The following CHD9 variants were observed in gnomAD, a reference collection of about 807,000 sequenced individuals.
CHD9 encodes the protein chromodomain helicase DNA binding protein 9, also known as ATP-dependent chromatin remodeler CHD9.
In CHD9, 77 loss-of-function variants were observed where a neutral mutation model predicts 316.1. That is an observed-to-expected ratio of 0.24 (90% CI 0.20 to 0.29). The LOEUF is 0.29. Ranked by LOEUF, CHD9 falls within the 10% of genes least tolerant of loss-of-function variation. The pLI, the probability that CHD9 is intolerant of heterozygous loss-of-function variation, is 1.00. For missense variants in CHD9, 2,763 were observed against 3,438.1 expected, an observed-to-expected ratio of 0.80 and a Z score of 4.91; for synonymous variants, 1,129 against 1,158.3, an observed-to-expected ratio of 0.97 and a Z score of 0.51.
intron 3 of CHD9, among the ~76,000 whole-genome samples, chr16:53,219,310 G>GA (rs367783030): frequency 1.1e-4 from 17 of 152,220 alleles, no homozygotes; most frequent in African/African-American, 3.6e-4. Context: ...GAAGCGTGGG[G>GA]AAAAAATCTG....
At chr16:53,085,765 T>A (rs901022443) in intron 1 of CHD9, among the ~76,000 whole-genome samples, 1 of 152,220 alleles carries the variant, frequency 6.6e-6, no homozygotes, top group African/African-American at 2.4e-5. Flanking sequence ...GTACGAGGCC[T>A]CCTGCCGGGT....
intron 34 of CHD9, chr16:53,311,691 G>GTTATAATAT (rs2056489451): frequency 6.6e-6 from 1 of 152,224 alleles, no homozygotes; most frequent in South Asian, 2.1e-4. Context: ...GGACAAAACT[G>GTTATAATAT]AAGAGCTCAT....
chr16:53,205,618 G>T (rs1193281037), intron 2 of CHD9, among the ~76,000 whole-genome samples: 1 of 152,182 alleles, frequency 6.6e-6, no homozygotes, highest in African/African-American at 2.4e-5. Context: ...TATTCTAGTA[G>T]CAGAGGAAAT....
rs780968759 is a variant in CHD9 at position 53,156,607 on chromosome 16, A to G, written c.518A>G (p.Gln173Arg). 4 of 1,613,866 alleles carry G rather than the reference A, an allele frequency of 2.5e-6. No individual in the cohort carries two copies. The African/African-American group carries it at 4.0e-5, about 16-fold the overall frequency. Residue 173 changes from glutamine (Q) to arginine (R), a missense_variant, in exon 2 of 39, where the codon CAG (glutamine) becomes CGG (arginine). Gln to Arg is a conservative substitution (Grantham distance 43, BLOSUM62 1). Around this residue, in one of 15 missense-constraint regions of CHD9, gnomAD observed 859 missense variants for 890.4 expected, o/e 0.96. Coordinates refer to ENST00000447540, the MANE Select transcript of CHD9 (RefSeq NM_001308319.2). ...TTTCAGGCCAATGAACAACAAACAC[A>G]GTGTACTTCACTACGCTCACAACAA... is the stretch of plus-strand genomic sequence containing the variant. The part of the protein sequence containing the change: ...ALFQANEQQT[Q>R]CTSLRSQQNR...
chr16:53,293,407 G>A (rs1460546693), intron 29 of CHD9, among the ~76,000 whole-genome samples: 2 of 151,922 alleles, frequency 1.3e-5, no homozygotes, highest in Admixed American at 1.3e-4. Flanking sequence ...TTGAGCTCAG[G>A]ATTTCGAGAC....
At chr16:53,147,505 T>C (rs1286673256) in intron 1 of CHD9, among the ~76,000 whole-genome samples, 1 of 152,160 alleles carries the variant, frequency 6.6e-6, no homozygotes, top group Non-Finnish European at 1.5e-5. Context: ...CCAAATAACT[T>C]CTACTCTCCC....
At chr16:53,246,064 G>A (rs2049562681) in intron 15 of CHD9, among the ~76,000 whole-genome samples, 1 of 152,186 alleles carries the variant, frequency 6.6e-6, no homozygotes. Context: ...AGTTTGTTCA[G>A]TATAATTTGG....
At chr16:53,188,886 TG>T (rs1458759772) in intron 2 of CHD9, among the ~76,000 whole-genome samples, 1 of 151,942 alleles carries the variant, frequency 6.6e-6, no homozygotes, top group East Asian at 1.9e-4. Context: ...TGCCTAGCAT[TG>T]TATCTTTTTT....
chr16:53,318,448 G>C, intron 37 of CHD9, 108 bp downstream of exon 37: 1 of 826,070 alleles, frequency 1.2e-6, no homozygotes, highest in Non-Finnish European at 1.8e-6. Flanking sequence ...CTGGAAATGA[G>C]TTGAATCTAT....
At chr16:53,251,928 C>T (rs1180504713) in intron 17 of CHD9, among the ~76,000 whole-genome samples, 1 of 152,052 alleles carries the variant, frequency 6.6e-6, no homozygotes, top group Non-Finnish European at 1.5e-5. Context: ...AAATACATCC[C>T]ATGTTCATGG....
chr16:53,221,513 C>T (rs1000769294), intron 3 of CHD9, among the ~76,000 whole-genome samples: 20 of 151,938 alleles, frequency 1.3e-4, no homozygotes, highest in Admixed American at 2.0e-4. Context: ...TAATAATTAC[C>T]GTGGTTTAAA....
intron 3 of CHD9, among the ~76,000 whole-genome samples, chr16:53,221,545 A>G (rs1356059758): frequency 6.6e-6 from 1 of 152,158 alleles, no homozygotes; most frequent in Non-Finnish European, 1.5e-5. Flanking sequence ...GCATCTGTTG[A>G]AGCAGATAAG....
chr16:53,139,257 A>G (rs1229957606), intron 1 of CHD9, among the ~76,000 whole-genome samples: 1 of 152,188 alleles, frequency 6.6e-6, no homozygotes. Context: ...GAGAGAACAT[A>G]AAATAACTAC....
chr16:53,304,166 G>A lies in CHD9; in HGVS notation c.6160G>A (p.Glu2054Lys). Reference sequence around the variant, plus strand: ...GAAAGTTAAAAGTGAAAACCTTAAAGAGGAGCCTCAGTCTTCTGAAGAAGA... The same window carrying A: ...GAAAGTTAAAAGTGAAAACCTTAAAAAGGAGCCTCAGTCTTCTGAAGAAGA... ...EMKVKSENLK[E>K]EPQSSEEESM... is the part of the protein sequence containing the mutation. The change falls in exon 31 of 39, where the codon GAG (glutamate) becomes AAG (lysine). Residue 2054 changes from glutamate to lysine, a missense_variant. Physicochemically the swap from Glu to Lys is moderately conservative, Grantham distance 56. Around this residue, in one of 15 missense-constraint regions of CHD9, gnomAD observed 663 missense variants for 751.2 expected, o/e 0.88. Transcript: ENST00000447540. 1 of 1,612,738 alleles carries A rather than the reference G, an allele frequency of 6.2e-7. No individual in the cohort carries two copies. Among genetic ancestry groups the A allele is most frequent in the Non-Finnish European group, 8.5e-7 (1 of 1,179,454 alleles).
chr16:53,308,374 T>C (rs1403536216), intron 33 of CHD9, among the ~76,000 whole-genome samples: 2 of 152,196 alleles, frequency 1.3e-5, no homozygotes, highest in East Asian at 3.8e-4. Flanking sequence ...CTCCAAAATG[T>C]CATATGAATA....
chr16:53,085,139 C>G (rs776865911), intron 1 of CHD9, among the ~76,000 whole-genome samples: 1 of 152,158 alleles, frequency 6.6e-6, no homozygotes, highest in Non-Finnish European at 1.5e-5. Flanking sequence ...TAGCAATCAG[C>G]TAGAGCCAGA....
At position 53,229,098 on chromosome 16, in the gene CHD9, G is replaced by A; in HGVS notation, c.2284G>A (p.Asp762Asn). Reference protein sequence around the residue: ...RQAQRAHFFADMEEEPFNPDY... With the variant: ...RQAQRAHFFANMEEEPFNPDY... ...AGCACAAAGAGCACATTTTTTTGCA[G>A]ACGTAAGAAAAAAATAAATAAGACT... The change falls in exon 8 of 39, where the codon GAC becomes AAC. Residue 762 changes from aspartate (D) to asparagine (N), a missense_variant and splice_region_variant. Physicochemically the swap from Asp to Asn is conservative, Grantham distance 23. This residue lies in a region of CHD9 where 859 missense variants were observed against 890.4 expected (regional missense o/e 0.96). Transcript: ENST00000447540. 6.5e-7 allele frequency: 1 copy of A among 1,529,380 alleles called. No individual in the cohort carries two copies. Among genetic ancestry groups the A allele is most frequent in the Admixed American group, 1.8e-5 (1 of 54,154 alleles). The allele number at this position is 1,529,380 out of a possible 1,614,324, so 94.7% of individuals were successfully genotyped here.
At chr16:53,323,902 C>T (rs1156253800) in intron 38 of CHD9, 118 bp from the exon 39 acceptor site, 5 of 807,054 alleles carry the variant, frequency 6.2e-6, no homozygotes, top group African/African-American at 1.8e-5. Flanking sequence ...TATTTAATAT[C>T]AGTACAGAAT....
At chr16:53,289,668 T>A (rs890839664) in intron 27 of CHD9, among the ~76,000 whole-genome samples, 5 of 152,100 alleles carry the variant, frequency 3.3e-5, no homozygotes, top group South Asian at 2.1e-4. Flanking sequence ...AAATAAAGAC[T>A]ACATTAAAGA....
Sources: allele counts gnomAD v4.1 joint callset (sites outside exome capture counted in the v4.1 genomes callset), GRCh38; gene constraint gnomAD v4.1.1; regional missense constraint gnomAD v4.1.1; transcripts MANE v1.5; gene names NCBI Gene and HGNC (gene_info 2026-07-23, HGNC 2026-07-21).